The following KCNMB4 variants were observed in gnomAD, a reference collection of about 807,000 sequenced individuals.
KCNMB4 encodes calcium-activated potassium channel subunit beta-4.
A neutral mutation model predicts 20.7 loss-of-function variants in KCNMB4; 3 were observed. The ratio of observed to expected loss-of-function variants is 0.14; its 90% CI spans 0.07 to 0.37. The LOEUF (loss-of-function observed/expected upper bound fraction) is 0.37. Among genes scored for constraint, KCNMB4 ranks in the 10% least tolerant of loss-of-function variants. The probability of loss-of-function intolerance (pLI) is 1.00; values close to 1 mark genes in which losing one functional copy is unlikely to be tolerated. For synonymous variants in KCNMB4, 110 were observed against 113.4 expected, an observed-to-expected ratio of 0.97 and a Z score of 0.19; for missense variants, 168 against 265.9, an observed-to-expected ratio of 0.63 and a Z score of 2.56.
chr12:70,378,986 G>A (rs1883737501), intron 1 of KCNMB4, among the ~76,000 whole-genome samples: 1 of 152,202 alleles, frequency 6.6e-6, no homozygotes, highest in Non-Finnish European at 1.5e-5. Flanking sequence ...GAGGTACACT[G>A]TCAGTTAGCA....
chr12:70,375,897 T>A (rs188928262), intron 1 of KCNMB4, among the ~76,000 whole-genome samples: 1 of 152,308 alleles, frequency 6.6e-6, no homozygotes, highest in South Asian at 2.1e-4. Context: ...TCTGTCCTTT[T>A]CTTGTGATGT....
chr12:70,372,874 C>G (rs1883622650), intron 1 of KCNMB4, among the ~76,000 whole-genome samples: 2 of 151,934 alleles, frequency 1.3e-5, no homozygotes, highest in Admixed American at 6.6e-5. Context: ...GAGAAAGAAG[C>G]ATTTGCTATA....
At chr12:70,417,754 A>G (rs1270058104) in intron 2 of KCNMB4, among the ~76,000 whole-genome samples, 1 of 152,030 alleles carries the variant, frequency 6.6e-6, no homozygotes, top group African/African-American at 2.4e-5. Flanking sequence ...ATGGCACTGG[A>G]TTTTCACTTT....
At chr12:70,410,495 A>G (rs963032066) in intron 2 of KCNMB4, among the ~76,000 whole-genome samples, 1 of 152,220 alleles carries the variant, frequency 6.6e-6, no homozygotes, top group Non-Finnish European at 1.5e-5. Flanking sequence ...ATCGGGATTT[A>G]CATTTCTCCT....
At chr12:70,398,992 A>C (rs1466032426) in intron 1 of KCNMB4, among the ~76,000 whole-genome samples, 1 of 152,194 alleles carries the variant, frequency 6.6e-6, no homozygotes, top group Non-Finnish European at 1.5e-5. Flanking sequence ...TTTAGGAACA[A>C]AGGGCATTAA....
chr12:70,367,106 A>G (rs758048301), intron 1 of KCNMB4, 36 bp downstream of exon 1: 6 of 1,470,584 alleles, frequency 4.1e-6, no homozygotes, highest in Non-Finnish European at 5.4e-6. Flanking sequence ...GCTCCCCGCG[A>G]GGGAGGTTTG....
At chr12:70,382,318 A>G (rs1280711793) in intron 1 of KCNMB4, among the ~76,000 whole-genome samples, 1 of 150,970 alleles carries the variant, frequency 6.6e-6, no homozygotes, top group Non-Finnish European at 1.5e-5. Context: ...CTGTAGTCCC[A>G]GCTACTCTGG....
chr12:70,385,117 G>A (rs556775785), intron 1 of KCNMB4, among the ~76,000 whole-genome samples: 2 of 152,228 alleles, frequency 1.3e-5, no homozygotes, highest in South Asian at 4.1e-4. Flanking sequence ...TGTCAAGCGG[G>A]GGGAATTTCA....
At chr12:70,415,318 A>C (rs1868887568) in intron 2 of KCNMB4, among the ~76,000 whole-genome samples, 1 of 152,214 alleles carries the variant, frequency 6.6e-6, no homozygotes, top group Admixed American at 6.5e-5. Flanking sequence ...CCACACTGAG[A>C]TTACAGAACT....
rs1290563979 is a variant in KCNMB4, at chr12:70,431,277, A to G, written c.*624A>G. On this transcript the variant is annotated 3_prime_UTR_variant, in exon 3 of 3. Transcript: ENST00000258111. ...GTGTCTCTTAAGCAAGAGATTCTAA[A>G]AGATTGGGAAAACATATCCTCCAAC... 6.6e-6 allele frequency: 1 copy of G among 152,138 alleles called. No homozygotes were observed. The highest frequency in any genetic ancestry group is 1.5e-5 in the Non-Finnish European group (1 of 68,038). 9.4% of individuals were successfully genotyped at this position (152,138 alleles called of 1,614,324 possible). A position where few individuals can be genotyped will look rare whatever the true frequency, so the allele number is the denominator to read the frequency against.
In KCNMB4 at chr12:70,432,274, C is replaced by G. The variant is rs543385963; in HGVS notation, c.*1621C>G. The G allele has an allele frequency of 6.6e-6, 1 of 152,334 alleles. No homozygotes were observed. The highest frequency in any genetic ancestry group is 2.4e-5 in the African/African-American group (1 of 41,554). The allele number at this position is 152,334 out of a possible 1,614,324, so 9.4% of individuals were successfully genotyped here. ...CTCAATCTCCTGACCTTGTGATCTG[C>G]CCACTTCACCTCCCAAAGTGCTGGG... On this transcript the variant is annotated 3_prime_UTR_variant, in exon 3 of 3. Coordinates refer to ENST00000258111, the MANE Select transcript of KCNMB4 (RefSeq NM_014505.6).
Position 70,400,316 on chromosome 12 carries a change from C to T in KCNMB4, c.444C>T (p.Cys148=). The part of the protein sequence containing the change: ...KDEIGSQPFT[C]YFNQHQRPDD... ...AGATTGGTTCCCAGCCATTTACTTG[C>T]TATTTTAATCAACATCAAAGGTAAG... Residue 148 remains cysteine, a synonymous_variant, in exon 2 of 3, where the codon TGC becomes TGT. Transcript: ENST00000258111. 1 of 1,604,478 alleles carries T rather than the reference C, an allele frequency of 6.2e-7. No individual in the cohort carries two copies. The highest frequency in any genetic ancestry group is 8.5e-7 in the Non-Finnish European group (1 of 1,177,750).
rs753273560 is a variant in KCNMB4, at chr12:70,421,246, C to T, written c.465-9239C>T. Among the ~76,000 whole-genome samples, 115 of 151,870 alleles carry T rather than the reference C, an allele frequency of 7.6e-4. 1 individual carries two copies. Among genetic ancestry groups the T allele is most frequent in the Non-Finnish European group, 1.3e-3 (88 of 67,990 alleles). On this transcript the variant is annotated intron_variant, in intron 2 of 2. Transcript: ENST00000258111. ...GTCGCTCATATCTGTAATCCCAGTG[C>T]TTTGGGAGCCCAAAGTTGGAGGATT...
rs146137025 is a variant in KCNMB4 at position 70,377,726 on chromosome 12, T to C, written c.336+10656T>C. Reference sequence around the variant, plus strand: ...AGTCAGTCCTCTCAAATCCCTCCACTGCTTTATCAACTCAGTTTAGGTAAT... The same window carrying C: ...AGTCAGTCCTCTCAAATCCCTCCACCGCTTTATCAACTCAGTTTAGGTAAT... On this transcript the variant is annotated intron_variant, in intron 1 of 2. Transcript: ENST00000258111. Among the ~76,000 whole-genome samples, 421 of 152,358 alleles carry C rather than the reference T, an allele frequency of 2.8e-3. 1 individual carries two copies. The highest frequency in any genetic ancestry group is 8.6e-3 in the African/African-American group (359 of 41,596).
At chr12:70,397,401 T>C (rs925635331) in intron 1 of KCNMB4, among the ~76,000 whole-genome samples, 3 of 152,182 alleles carry the variant, frequency 2.0e-5, no homozygotes, top group African/African-American at 7.2e-5. Context: ...GCTAGAGTAT[T>C]GTTAAGTATA....
At position 70,434,198 on chromosome 12, in the gene KCNMB4, G is replaced by GCCAAACCAAT. The variant is rs1338646050; in HGVS notation, c.*3546_*3555dup. 1 of 152,160 alleles carries GCCAAACCAAT rather than the reference G, an allele frequency of 6.6e-6. No individual in the cohort carries two copies. The highest frequency in any genetic ancestry group is 1.5e-5 in the Non-Finnish European group (1 of 68,046). The allele number at this position is 152,160 out of a possible 1,614,324, so 9.4% of individuals were successfully genotyped here. A position where few individuals can be genotyped will look rare whatever the true frequency, so the allele number is the denominator to read the frequency against. On this transcript the variant is annotated 3_prime_UTR_variant, in exon 3 of 3. Coordinates refer to ENST00000258111, the MANE Select transcript of KCNMB4 (RefSeq NM_014505.6). The stretch of plus-strand genomic sequence containing the variant: ...GCCTCACACTCTAAGACGGATAAAA[G>GCCAAACCAAT]CCAAACCAATTAAGCCGTTTCTCGA...
Position 70,433,921 on chromosome 12 carries a change from G to T in KCNMB4, c.*3268G>T, listed in dbSNP as rs1869431320. 1.3e-5 allele frequency: 2 copies of T among 152,248 alleles called. No individual in the cohort carries two copies. Among genetic ancestry groups the T allele is most frequent in the African/African-American group, 4.8e-5 (2 of 41,462 alleles). 9.4% of individuals were successfully genotyped at this position (152,248 alleles called of 1,614,324 possible). ...CCCTGCTTGCTGGTGCAGACTTTTA[G>T]ACCTAGATTGCCTTAGAGACTGAAA... is the stretch of plus-strand genomic sequence containing the variant. On this transcript the variant is annotated 3_prime_UTR_variant, in exon 3 of 3. Coordinates refer to ENST00000258111, the MANE Select transcript of KCNMB4 (RefSeq NM_014505.6).
intron 1 of KCNMB4, among the ~76,000 whole-genome samples, chr12:70,395,123 T>G (rs1190086227): frequency 3.9e-5 from 6 of 152,016 alleles, no homozygotes; most frequent in Non-Finnish European, 5.9e-5. Flanking sequence ...GTATAAAATA[T>G]AATTAAACAT....
chr12:70,380,828 A>C (rs1415172779), intron 1 of KCNMB4, among the ~76,000 whole-genome samples: 3 of 152,226 alleles, frequency 2.0e-5, no homozygotes, highest in African/African-American at 7.2e-5. Context: ...GGAGACCTAA[A>C]TATAAGTGCT....
Sources: allele counts gnomAD v4.1 joint callset (sites outside exome capture counted in the v4.1 genomes callset), GRCh38; gene constraint gnomAD v4.1.1; transcripts MANE v1.5; gene names NCBI Gene and HGNC (gene_info 2026-07-23, HGNC 2026-07-21).